Variants in WASHC5 observed in about 807,000 individuals in gnomAD.
The protein encoded by WASHC5 is WASH complex subunit strumpellin.
Under a neutral mutation model 150.4 loss-of-function variants are expected in WASHC5, and 101 were observed. That is an observed-to-expected ratio of 0.67 (90% CI 0.57 to 0.79). The LOEUF (loss-of-function observed/expected upper bound fraction) is 0.79, where lower values mean the gene tolerates loss of function less well. Ranked by LOEUF, WASHC5 falls within the 30% of genes least tolerant of loss-of-function variation. WASHC5 has a pLI of 0.00. For missense variants in WASHC5, 1,195 were observed against 1,396.3 expected, an observed-to-expected ratio of 0.86 and a Z score of 2.30; for synonymous variants, 467 against 491.2, an observed-to-expected ratio of 0.95 and a Z score of 0.65.
Position 125,081,724 on chromosome 8 carries a change from A to C in WASHC5, c.455T>G (p.Val152Gly). ...ALYLYGVMLLVIDQKIEGEVR... is the reference protein window; with the variant it reads ...ALYLYGVMLLGIDQKIEGEVR... ...TTCTCCTTCAATCTTTTGGTCAATGACCAGTAGCATAACTCCATATAAGTA... is the reference window on the plus strand; with the variant it reads ...TTCTCCTTCAATCTTTTGGTCAATGCCCAGTAGCATAACTCCATATAAGTA... Residue 152 changes from valine to glycine, a missense_variant, in exon 5 of 29, where the codon GTC becomes GGC. By Grantham distance (109) the Val-to-Gly change is moderately radical (BLOSUM62 -3). Transcript: ENST00000318410. The C allele has an allele frequency of 6.2e-7, 1 of 1,612,768 alleles. No homozygotes were observed. The highest frequency in any genetic ancestry group is 8.5e-7 in the Non-Finnish European group (1 of 1,178,910).
chr8:125,055,519 T>A (rs1428849700), intron 17 of WASHC5, 72 bp downstream of exon 17: 1 of 884,200 alleles, frequency 1.1e-6, no homozygotes, highest in Non-Finnish European at 1.9e-6. Flanking sequence ...TTTGCACACA[T>A]GATAATTACC....
chr8:125,082,152 C>T (rs1056343265), intron 4 of WASHC5, among the ~76,000 whole-genome samples: 20 of 152,310 alleles, frequency 1.3e-4, no homozygotes, highest in Middle Eastern at 3.4e-3. Flanking sequence ...AGACAGAATT[C>T]TTACACCGAG....
At chr8:125,061,037 G>T in intron 12 of WASHC5, 45 bp downstream of exon 12, 1 of 1,052,736 alleles carries the variant, frequency 9.5e-7, no homozygotes, top group Non-Finnish European at 1.5e-6. Flanking sequence ...GTCATAAGGT[G>T]TGATTCATGA....
intron 9 of WASHC5, among the ~76,000 whole-genome samples, chr8:125,071,945 C>A (rs1222777070): frequency 6.6e-6 from 1 of 152,158 alleles, no homozygotes; most frequent in Non-Finnish European, 1.5e-5. Flanking sequence ...TGGCTTGTGG[C>A]CCCCTCCATC....
In WASHC5 at chr8:125,076,441, C is replaced by T. The variant is rs960568727; in HGVS notation, c.771G>A (p.Met257Ile). Reference protein sequence around the residue: ...RSTALANQAAMLYVILYFEPS... With the variant: ...RSTALANQAAILYVILYFEPS... ...GCTCAAAGTAGAGAATCACGTACAG[C>T]ATGGCAGCTTGGTTTGCCAGGGCTG... Residue 257 changes from methionine to isoleucine, a missense_variant, in exon 7 of 29, where the codon ATG (methionine) becomes ATA (isoleucine). Physicochemically the swap from Met to Ile is conservative, Grantham distance 10. Coordinates refer to ENST00000318410, the MANE Select transcript of WASHC5 (RefSeq NM_014846.4). 4 of 1,613,946 alleles carry T rather than the reference C, an allele frequency of 2.5e-6. No homozygotes were observed. In the African/African-American group the frequency reaches 5.3e-5, roughly 22 times the overall value.
At chr8:125,060,888 T>C (rs1282205996) in intron 12 of WASHC5, among the ~76,000 whole-genome samples, 194 bp downstream of exon 12, 1 of 152,246 alleles carries the variant, frequency 6.6e-6, no homozygotes, top group Non-Finnish European at 1.5e-5. Flanking sequence ...TAATTTTTGC[T>C]ACCATTCTCT....
chr8:125,032,894 A>C (rs1815583273), intron 26 of WASHC5, among the ~76,000 whole-genome samples: 1 of 151,838 alleles, frequency 6.6e-6, no homozygotes, highest in Non-Finnish European at 1.5e-5. Flanking sequence ...TATGAAGTGA[A>C]TGAGTATCAA....
At chr8:125,059,851 T>A (rs1816537943) in intron 12 of WASHC5, among the ~76,000 whole-genome samples, 2 of 152,220 alleles carry the variant, frequency 1.3e-5, no homozygotes, top group Middle Eastern at 3.2e-3. Flanking sequence ...AATTTTAATG[T>A]ATATAACTGA....
In WASHC5 at chr8:125,083,257, C is replaced by T; in HGVS notation, c.188G>A (p.Gly63Asp). The change falls in exon 3 of 29, where the codon GGT becomes GAT. Residue 63 changes from glycine (G) to aspartate (D), a missense_variant and splice_region_variant. By Grantham distance (94) the Gly-to-Asp change is moderately conservative (BLOSUM62 -1). Transcript: ENST00000318410. ...DIIFDFSYFK[G>D]PELWESKLDA... Reference sequence around the variant, plus strand: ...CAGTTTGCTTTCCCATAATTCTGGACCCTGAGAAAAAAAAACACATGTGAA... The same window carrying T: ...CAGTTTGCTTTCCCATAATTCTGGATCCTGAGAAAAAAAAACACATGTGAA... 1 of 1,612,036 alleles carries T rather than the reference C, an allele frequency of 6.2e-7. No homozygotes were observed.
chr8:125,028,481 G>T, intron 28 of WASHC5, 139 bp downstream of exon 28: 2 of 655,966 alleles, frequency 3.0e-6, no homozygotes, highest in Non-Finnish European at 5.6e-6. Context: ...TTTCAGAGCT[G>T]GGGGTAGAGC....
intron 2 of WASHC5, 36 bp from the exon 3 acceptor site, chr8:125,083,294 A>C (rs1288932831): frequency 6.3e-7 from 1 of 1,599,036 alleles, no homozygotes; most frequent in Non-Finnish European, 8.6e-7. Flanking sequence ...TGTCAATAAA[A>C]GCATACTTGT....
At position 125,041,152 on chromosome 8, in the gene WASHC5, T is replaced by C. The variant is rs1247564247; in HGVS notation, c.2851-1254A>G. ...GAGAGTTCAGTTTGCCCTCATAATG[T>C]TGTCTGCATCATAAGGTCAACAGCA... On this transcript the variant is annotated intron_variant, in intron 23 of 28. Coordinates refer to ENST00000318410, the MANE Select transcript of WASHC5 (RefSeq NM_014846.4). Among the ~76,000 whole-genome samples, 5 of 152,216 alleles carry C rather than the reference T, an allele frequency of 3.3e-5. No homozygotes were observed. The East Asian group carries it at 9.6e-4, about 29-fold the overall frequency.
intron 1 of WASHC5, among the ~76,000 whole-genome samples, chr8:125,090,868 C>G (rs993907076): frequency 6.6e-6 from 1 of 152,142 alleles, no homozygotes; most frequent in African/African-American, 2.4e-5. Context: ...TAAATGCAAG[C>G]TGCATATATT....
chr8:125,055,314 T>C (rs1586357869), intron 17 of WASHC5, among the ~76,000 whole-genome samples: 1 of 152,014 alleles, frequency 6.6e-6, no homozygotes, highest in South Asian at 2.1e-4. Flanking sequence ...TACCAACTAC[T>C]TGGGGGGCTG....
intron 9 of WASHC5, among the ~76,000 whole-genome samples, chr8:125,068,706 C>T (rs1437280574): frequency 6.6e-6 from 1 of 152,150 alleles, no homozygotes; most frequent in Non-Finnish European, 1.5e-5. Flanking sequence ...AGACCTCTGG[C>T]CATCCTGCTT....
chr8:125,067,795 T>C, intron 9 of WASHC5, 76 bp from the exon 10 acceptor site: 2 of 1,486,236 alleles, frequency 1.3e-6, no homozygotes. Context: ...TTATTAAATA[T>C]TTTCCTTCAT....
In WASHC5 at chr8:125,043,843, ATACGCAGTCCAAATCT is replaced by A. The variant is rs756271185; in HGVS notation, c.2816_2831del (p.Lys939IlefsTer5). The A allele has an allele frequency of 5.0e-6, 8 of 1,610,802 alleles. No homozygotes were observed. The highest frequency in any genetic ancestry group is 5.1e-6 in the Non-Finnish European group (6 of 1,177,146). On this transcript the variant is annotated frameshift_variant, in exon 23 of 29. Coordinates refer to ENST00000318410, the MANE Select transcript of WASHC5 (RefSeq NM_014846.4). LOFTEE classifies it high-confidence loss of function. ...AACATACCTTCATTATAGCCTCGAGATACGCAGTCCAAATCTTCTGTGTTTTGGCAATGGCGGAAAA... is the reference window on the plus strand; with the variant it reads ...AACATACCTTCATTATAGCCTCGAGATCTGTGTTTTGGCAATGGCGGAAAA...
At chr8:125,047,658 G>C (rs991923626) in intron 19 of WASHC5, among the ~76,000 whole-genome samples, 1 of 152,092 alleles carries the variant, frequency 6.6e-6, no homozygotes, top group Non-Finnish European at 1.5e-5. Context: ...GGCTGATCTC[G>C]AACTCCTGAT....
At chr8:125,045,389 A>G (rs1286648367) in intron 20 of WASHC5, among the ~76,000 whole-genome samples, 1 of 152,142 alleles carries the variant, frequency 6.6e-6, no homozygotes, top group Non-Finnish European at 1.5e-5. Context: ...TCCTCATTTT[A>G]TAGATAATTG....
Sources: gnomAD v4.1 joint callset for allele counts (sites outside exome capture counted in the v4.1 genomes callset) on GRCh38, gnomAD v4.1.1 for gene constraint, MANE v1.5 for transcripts, NCBI Gene and HGNC (gene_info 2026-07-23, HGNC 2026-07-21) for gene names.